The following ZNF536 variants were observed in gnomAD, a reference collection of about 807,000 sequenced individuals.
ZNF536 encodes zinc finger protein 536.
A neutral mutation model predicts 84.5 loss-of-function variants in ZNF536; 13 were observed. The observed-to-expected ratio is 0.15, with a 90% CI of 0.10 to 0.24. The LOEUF (loss-of-function observed/expected upper bound fraction) is 0.24. Ranked by LOEUF, ZNF536 falls within the 10% of genes least tolerant of loss-of-function variation. The probability of loss-of-function intolerance (pLI) is 1.00; values close to 1 mark genes in which losing one functional copy is unlikely to be tolerated. For missense variants in ZNF536, 1,536 were observed against 1,747.5 expected, an observed-to-expected ratio of 0.88 and a Z score of 2.16; for synonymous variants, 811 against 742.5, an observed-to-expected ratio of 1.09 and a Z score of -1.50.
rs1223219757 is a variant in ZNF536, at chr19:30,444,206, G to T, written c.644G>T (p.Gly215Val). The change falls in exon 2 of 5, where the codon GGC becomes GTC. Residue 215 changes from glycine to valine, a missense_variant. Transcript: ENST00000355537. ...ATCCTGCGGGACAAGCAGCTGAAAG[G>T]CAGCCTGCTGCAGCCCCGGCCGGAC... ...RAILRDKQLKGSLLQPRPDLK... is the reference protein window; with the variant it reads ...RAILRDKQLKVSLLQPRPDLK... 1 of 1,548,550 alleles carries T rather than the reference G, an allele frequency of 6.5e-7. No individual in the cohort carries two copies. Among genetic ancestry groups the T allele is most frequent in the South Asian group, 1.2e-5 (1 of 85,348 alleles).
chr19:30,496,523 A>G (rs572707592), intron 2 of ZNF536, among the ~76,000 whole-genome samples: 6 of 152,308 alleles, frequency 3.9e-5, no homozygotes, highest in Admixed American at 1.3e-4. Context: ...TTTAATGAGT[A>G]TCAGCAGAGG....
At chr19:30,426,788 G>T (rs1026104310) in intron 1 of ZNF536, among the ~76,000 whole-genome samples, 1 of 152,094 alleles carries the variant, frequency 6.6e-6, no homozygotes, top group Admixed American at 6.5e-5. Context: ...CGTGGGGCCC[G>T]GCAGGGGGAA....
At chr19:30,368,499 T>C (rs1263984099), upstream of ZNF536, among the ~76,000 whole-genome samples, 1 of 152,242 alleles carries the variant, frequency 6.6e-6, no homozygotes, top group Non-Finnish European at 1.5e-5. Flanking sequence ...AGCATTTCCA[T>C]CAGTGTCTGA....
intron 1 of ZNF536, among the ~76,000 whole-genome samples, chr19:30,641,030 T>C (rs1001204233): frequency 3.9e-5 from 6 of 152,240 alleles, no homozygotes; most frequent in Admixed American, 6.5e-5. Flanking sequence ...CAGTACCGCT[T>C]AGTTATCTCT....
At chr19:30,677,164 T>TC (rs1200493221) in intron 1 of ZNF536, among the ~76,000 whole-genome samples, 1 of 152,210 alleles carries the variant, frequency 6.6e-6, no homozygotes, top group African/African-American at 2.4e-5. Flanking sequence ...TGCCGCAATC[T>TC]CCCTGGGGCC....
At chr19:30,437,159 T>A (rs1475685319) in intron 1 of ZNF536, among the ~76,000 whole-genome samples, 1 of 152,206 alleles carries the variant, frequency 6.6e-6, no homozygotes, top group African/African-American at 2.4e-5. Flanking sequence ...AAGATTACTT[T>A]TTTTTTTCTG....
At chr19:30,447,924 C>A (rs755993878) in intron 2 of ZNF536, among the ~76,000 whole-genome samples, 1 of 152,190 alleles carries the variant, frequency 6.6e-6, no homozygotes, top group Non-Finnish European at 1.5e-5. Flanking sequence ...TCATTAATGA[C>A]GTGTTTACCG....
At chr19:30,333,273 A>T (rs1334973241) in intron 2 of ZNF536, among the ~76,000 whole-genome samples, 1 of 152,236 alleles carries the variant, frequency 6.6e-6, no homozygotes, top group East Asian at 1.9e-4. Context: ...CTGTGGCCAC[A>T]GTCCCAGCTT....
At chr19:30,662,767 C>T (rs962346691) in intron 1 of ZNF536, among the ~76,000 whole-genome samples, 4 of 151,998 alleles carry the variant, frequency 2.6e-5, no homozygotes, top group African/African-American at 9.7e-5. Flanking sequence ...GCCCTGACGG[C>T]CGGTCGGGGC....
At chr19:30,423,264 C>T (rs1188992437) in intron 1 of ZNF536, among the ~76,000 whole-genome samples, 1 of 151,966 alleles carries the variant, frequency 6.6e-6, no homozygotes, top group Non-Finnish European at 1.5e-5. Flanking sequence ...TCCATCCATT[C>T]ATCCATCTAC....
At chr19:30,494,033 C>T (rs1213796338) in intron 2 of ZNF536, among the ~76,000 whole-genome samples, 1 of 151,962 alleles carries the variant, frequency 6.6e-6, no homozygotes, top group Non-Finnish European at 1.5e-5. Context: ...TCAACCCTGC[C>T]CCTGTTTGCC....
chr19:30,337,704 T>A (rs1021758810), intron 2 of ZNF536, among the ~76,000 whole-genome samples: 1 of 152,226 alleles, frequency 6.6e-6, no homozygotes, highest in African/African-American at 2.4e-5. Context: ...AAGGCTCTGC[T>A]GGTACTAACT....
chr19:30,696,193 A>T (rs1281335182), intron 1 of ZNF536, among the ~76,000 whole-genome samples: 1 of 152,164 alleles, frequency 6.6e-6, no homozygotes, highest in Non-Finnish European at 1.5e-5. Context: ...ATTACCTTTG[A>T]AGCCGGTTTA....
At chr19:30,680,701 C>T (rs902589038) in intron 1 of ZNF536, among the ~76,000 whole-genome samples, 33 of 151,962 alleles carry the variant, frequency 2.2e-4, no homozygotes, top group Non-Finnish European at 3.5e-4. Context: ...TGAATAGTGC[C>T]GCAATAAACA....
chr19:30,601,672 G>T (rs73539183), intron 1 of ZNF536, among the ~76,000 whole-genome samples: 2,701 of 152,282 alleles, frequency 0.018, 87 homozygotes, highest in African/African-American at 0.062. Context: ...AAGGTGGGCA[G>T]CTCGTTCTCA....
chr19:30,326,798 T>TTTTTTTG (rs2047045272), intron 2 of ZNF536, among the ~76,000 whole-genome samples: 2 of 121,142 alleles, frequency 1.7e-5, no homozygotes, highest in African/African-American at 3.5e-5. Context: ...AAGCTTTTTT[T>TTTTTTTG]TTTTTTTTTT....
At chr19:30,385,759 A>AG (rs1289013165) in intron 1 of ZNF536, among the ~76,000 whole-genome samples, 1 of 152,166 alleles carries the variant, frequency 6.6e-6, no homozygotes, top group Non-Finnish European at 1.5e-5. Flanking sequence ...GGTTTACCCC[A>AG]GGTGCAACTC....
chr19:30,403,784 C>T lies in ZNF536; in HGVS notation c.-3+31228C>T, dbSNP rs117223936. The stretch of plus-strand genomic sequence containing the variant: ...GCTCTTTGTCCCTGGGCATGCTGTC[C>T]CCCTCGTTCTTCCTGTGCTCTTGAC... On this transcript the variant is annotated intron_variant, in intron 1 of 4. Transcript: ENST00000355537. Among the ~76,000 whole-genome samples the T allele has an allele frequency of 1.2e-3, 185 of 152,232 alleles. 2 individuals carry two copies. In the East Asian group the frequency reaches 0.028, roughly 23 times the overall value.
chr19:30,355,816 G>A (rs1174270554), intron 3 of ZNF536, among the ~76,000 whole-genome samples: 1 of 152,102 alleles, frequency 6.6e-6, no homozygotes, highest in African/African-American at 2.4e-5. Flanking sequence ...AGGGATCTAG[G>A]TTGCGTGCTC....
Sources: gnomAD v4.1 joint callset for allele counts (sites outside exome capture counted in the v4.1 genomes callset) on GRCh38, gnomAD v4.1.1 for gene constraint, MANE v1.5 for transcripts, NCBI Gene and HGNC (gene_info 2026-07-23, HGNC 2026-07-21) for gene names.